The following CASD1 variants were observed in gnomAD, a reference collection of about 807,000 sequenced individuals.
The protein encoded by CASD1 is CAS1 domain sialic acid O acetyltransferase 1.
Under a neutral mutation model 100.0 loss-of-function variants are expected in CASD1, and 41 were observed. The ratio of observed to expected loss-of-function variants is 0.41; its 90% CI spans 0.32 to 0.53. The LOEUF (loss-of-function observed/expected upper bound fraction) is 0.53. Among genes scored for constraint, CASD1 ranks in the 20% least tolerant of loss-of-function variants. The probability of loss-of-function intolerance (pLI) is 0.25; values close to 1 mark genes in which losing one functional copy is unlikely to be tolerated. For missense variants in CASD1, 774 were observed against 948.7 expected (o/e 0.82, Z 2.42); for synonymous variants, 321 against 315.6 (o/e 1.02, Z -0.18).
At chr7:94,568,352 A>G in the CASD1 span, among the ~76,000 whole-genome samples, 1 of 152,188 alleles carries the variant, frequency 6.6e-6, no homozygotes, top group African/African-American at 2.4e-5. Flanking sequence ...TTGGATCCCT[A>G]CCATACATCA....
intron 1 of CASD1, among the ~76,000 whole-genome samples, chr7:94,513,346 T>G (rs985766661): frequency 6.6e-6 from 1 of 152,146 alleles, no homozygotes; most frequent in Non-Finnish European, 1.5e-5. Flanking sequence ...TTCTATTTTT[T>G]TTTCCAGTCA....
At chr7:94,603,552 A>C in the CASD1 span, 2 of 1,110,790 alleles carry the variant, frequency 1.8e-6, no homozygotes, top group Non-Finnish European at 2.7e-6. Context: ...GAATTGAGAG[A>C]TTAACTAGAC....
At chr7:94,591,748 A>G in the CASD1 span, among the ~76,000 whole-genome samples, 1 of 152,086 alleles carries the variant, frequency 6.6e-6, no homozygotes, top group South Asian at 2.1e-4. Flanking sequence ...CTCTTTTGCT[A>G]CATTGCTAAA....
intron 10 of CASD1, among the ~76,000 whole-genome samples, chr7:94,541,027 A>G (rs1005825417): frequency 6.6e-6 from 1 of 152,076 alleles, no homozygotes; most frequent in Non-Finnish European, 1.5e-5. Flanking sequence ...ATCTTCTTAT[A>G]CTGCATCCTA....
the CASD1 span, among the ~76,000 whole-genome samples, chr7:94,571,765 A>G: frequency 1.3e-5 from 2 of 152,166 alleles, no homozygotes; most frequent in Non-Finnish European, 2.9e-5. Flanking sequence ...TTAAAATTCC[A>G]GCTTCTCTGT....
chr7:94,562,795 T>C, the CASD1 span, among the ~76,000 whole-genome samples: 4 of 152,134 alleles, frequency 2.6e-5, no homozygotes, highest in South Asian at 8.3e-4. Flanking sequence ...AATAACCTCT[T>C]CTATGGATGC....
chr7:94,591,093 G>A, the CASD1 span, among the ~76,000 whole-genome samples: 2 of 152,156 alleles, frequency 1.3e-5, no homozygotes, highest in East Asian at 1.9e-4. Flanking sequence ...TCCTTGTGTA[G>A]GCTAGAGGAG....
At chr7:94,609,795 G>GCTTGGCAGTTTCTTA in the CASD1 span, among the ~76,000 whole-genome samples, 3 of 152,294 alleles carry the variant, frequency 2.0e-5, no homozygotes, top group African/African-American at 7.2e-5. Context: ...TTGGAAGACA[G>GCTTGGCAGTTTCTTA]CTTGGCAGTT....
At chr7:94,568,501 G>C in the CASD1 span, among the ~76,000 whole-genome samples, 1 of 152,030 alleles carries the variant, frequency 6.6e-6, no homozygotes, top group African/African-American at 2.4e-5. Context: ...TTTTTGCAAA[G>C]CAAAAACAAG....
At chr7:94,617,805 C>T in the CASD1 span, 1 of 152,096 alleles carries the variant, frequency 6.6e-6, no homozygotes, top group Admixed American at 6.6e-5. Flanking sequence ...TACCCACAGA[C>T]TGCATCCATG....
chr7:94,574,970 AAAACAAAC>A, the CASD1 span, among the ~76,000 whole-genome samples: 2 of 152,112 alleles, frequency 1.3e-5, no homozygotes, highest in African/African-American at 4.8e-5. Context: ...ACTCCATCTC[AAAACAAAC>A]AAACAAACAA....
intron 13 of CASD1, 74 bp from the exon 14 acceptor site, chr7:94,549,459 T>A: frequency 9.8e-7 from 1 of 1,021,498 alleles, no homozygotes; most frequent in South Asian, 1.6e-5. Flanking sequence ...CAGAAAACTA[T>A]AATCTGTAAT....
At position 94,510,108 on chromosome 7, in the gene CASD1, G is replaced by C; in HGVS notation, c.24G>C (p.Leu8=). 6.5e-7 allele frequency: 1 copy of C among 1,529,816 alleles called. No individual in the cohort carries two copies. Among genetic ancestry groups the C allele is most frequent in the Non-Finnish European group, 8.8e-7 (1 of 1,137,052 alleles). 94.8% of individuals were successfully genotyped at this position (1,529,816 alleles called of 1,614,324 possible). A position where few individuals can be genotyped will look rare whatever the true frequency, so the allele number is the denominator to read the frequency against. ...AGATGGCGGCTCTGGCCTACAACCTGGGCAAGCGGGAGATCAACCACTACT... is the reference window on the plus strand; with the variant it reads ...AGATGGCGGCTCTGGCCTACAACCTCGGCAAGCGGGAGATCAACCACTACT... MAALAYN[L]GKREINHYFS... Residue 8 remains leucine, a synonymous_variant, in exon 1 of 18, where the codon CTG becomes CTC. Coordinates refer to ENST00000297273, the MANE Select transcript of CASD1 (RefSeq NM_022900.5).
chr7:94,530,683 A>G (rs908433483), intron 5 of CASD1, among the ~76,000 whole-genome samples: 7 of 152,120 alleles, frequency 4.6e-5, no homozygotes, highest in Non-Finnish European at 2.9e-5. Context: ...ATTAAGTCTG[A>G]GCTATTGAAT....
At chr7:94,550,244 T>A (rs1795884467) in intron 14 of CASD1, among the ~76,000 whole-genome samples, 1 of 152,170 alleles carries the variant, frequency 6.6e-6, no homozygotes, top group Admixed American at 6.6e-5. Context: ...ATTAATTATT[T>A]CATTCTTTCC....
chr7:94,566,401 T>G, the CASD1 span, among the ~76,000 whole-genome samples: 1 of 152,018 alleles, frequency 6.6e-6, no homozygotes, highest in African/African-American at 2.4e-5. Flanking sequence ...ATTATAATAC[T>G]TATAAAAAAG....
chr7:94,603,498 A>G, the CASD1 span: 1 of 1,548,052 alleles, frequency 6.5e-7, no homozygotes, highest in Non-Finnish European at 8.9e-7. Flanking sequence ...GAAAATTGAA[A>G]ACACTAAAAA....
chr7:94,626,029 T>A, the CASD1 span: 3 of 152,136 alleles, frequency 2.0e-5, no homozygotes, highest in Non-Finnish European at 2.9e-5. Flanking sequence ...ATTTTACTGA[T>A]GGCAAAATTT....
chr7:94,607,683 A>G, the CASD1 span, among the ~76,000 whole-genome samples: 1 of 152,224 alleles, frequency 6.6e-6, no homozygotes, highest in Non-Finnish European at 1.5e-5. Context: ...ATTACTCTAA[A>G]TGAGAAACTT....
Sources: gnomAD v4.1 joint callset for allele counts (sites outside exome capture counted in the v4.1 genomes callset) on GRCh38, gnomAD v4.1.1 for gene constraint, MANE v1.5 for transcripts, NCBI Gene and HGNC (gene_info 2026-07-23, HGNC 2026-07-21) for gene names.